The following LRRC8D variants were observed in gnomAD, a reference collection of about 807,000 sequenced individuals.
The protein encoded by LRRC8D is volume-regulated anion channel subunit LRRC8D.
Under a neutral mutation model 55.8 loss-of-function variants are expected in LRRC8D, and 20 were observed. That is an observed-to-expected ratio of 0.36 (90% CI 0.25 to 0.52). The LOEUF (loss-of-function observed/expected upper bound fraction) is 0.52. Among genes scored for constraint, LRRC8D ranks in the 20% least tolerant of loss-of-function variants. LRRC8D has a pLI of 0.93. For missense variants in LRRC8D, 651 were observed against 1,030.8 expected, an observed-to-expected ratio of 0.63 and a Z score of 5.05; for synonymous variants, 352 against 377.0, an observed-to-expected ratio of 0.93 and a Z score of 0.77.
intron 1 of LRRC8D, chr1:89,843,053 TG>T (rs1372674984): frequency 6.6e-6 from 1 of 152,260 alleles, no homozygotes; most frequent in Non-Finnish European, 1.5e-5. Flanking sequence ...CTTTCTCTTT[TG>T]AGCCAGCGAG....
chr1:89,846,516 G>A (rs558619299), intron 2 of LRRC8D: 1 of 152,248 alleles, frequency 6.6e-6, no homozygotes, highest in South Asian at 2.1e-4. Flanking sequence ...TTCTTTTGTA[G>A]TCTGGAAAGC....
At chr1:89,913,710 C>G (rs1338991985) in intron 2 of LRRC8D, among the ~76,000 whole-genome samples, 1 of 152,164 alleles carries the variant, frequency 6.6e-6, no homozygotes, top group African/African-American at 2.4e-5. Flanking sequence ...TCACCATCTT[C>G]GAAATATTTT....
At chr1:89,907,461 A>G (rs1187507582) in intron 2 of LRRC8D, among the ~76,000 whole-genome samples, 1 of 152,110 alleles carries the variant, frequency 6.6e-6, no homozygotes, top group East Asian at 1.9e-4. Context: ...AAGTGCTGGG[A>G]TTACAAGTGC....
At chr1:89,908,639 A>G (rs1025710486) in intron 2 of LRRC8D, among the ~76,000 whole-genome samples, 1 of 152,238 alleles carries the variant, frequency 6.6e-6, no homozygotes, top group Non-Finnish European at 1.5e-5. Context: ...TTGAAATGCT[A>G]GTCAGGTTTT....
intron 2 of LRRC8D, among the ~76,000 whole-genome samples, chr1:89,928,516 G>T (rs187689621): frequency 2.0e-5 from 3 of 152,188 alleles, no homozygotes; most frequent in Admixed American, 6.5e-5. Flanking sequence ...CTTCTGGTGG[G>T]GGGTGGCAGA....
intron 2 of LRRC8D, among the ~76,000 whole-genome samples, chr1:89,895,687 C>T (rs1001522955): frequency 1.3e-5 from 2 of 152,072 alleles, no homozygotes; most frequent in African/African-American, 2.4e-5. Context: ...GTTGATGAGA[C>T]GTTGAACTTC....
At chr1:89,824,198 C>T (rs974221924) in intron 1 of LRRC8D, among the ~76,000 whole-genome samples, 7 of 152,212 alleles carry the variant, frequency 4.6e-5, no homozygotes, top group African/African-American at 1.4e-4. Flanking sequence ...TCCAAAATGG[C>T]GATAGTGCCT....
chr1:89,886,001 C>T (rs1224903784), intron 2 of LRRC8D, among the ~76,000 whole-genome samples: 2 of 152,202 alleles, frequency 1.3e-5, no homozygotes, highest in Non-Finnish European at 2.9e-5. Context: ...TGCTTTACCT[C>T]ACTTACTTGC....
chr1:89,915,567 A>T (rs1476797702), intron 2 of LRRC8D, among the ~76,000 whole-genome samples: 1 of 152,200 alleles, frequency 6.6e-6, no homozygotes, highest in Admixed American at 6.5e-5. Flanking sequence ...ATGTGCCAGG[A>T]ATGGCTACTG....
In LRRC8D at chr1:89,871,845, G is replaced by A. The variant is rs143245641; in HGVS notation, c.-3+28063G>A. 1.6e-3 allele frequency among the ~76,000 whole-genome samples: 242 copies of A among 152,290 alleles called. 1 individual carries two copies. Among genetic ancestry groups the A allele is most frequent in the African/African-American group, 5.4e-3 (223 of 41,564 alleles). ...TGAAAAAGTCCATTGAAAATCTTATGAGGCCTTTTTTGTACTTTTGCCTGT... is the reference window on the plus strand; with the variant it reads ...TGAAAAAGTCCATTGAAAATCTTATAAGGCCTTTTTTGTACTTTTGCCTGT... On this transcript the variant is annotated intron_variant, in intron 2 of 2. Coordinates refer to ENST00000337338, the MANE Select transcript of LRRC8D (RefSeq NM_001134479.2).
chr1:89,907,807 C>G (rs1385251203), intron 2 of LRRC8D, among the ~76,000 whole-genome samples: 6 of 152,186 alleles, frequency 3.9e-5, no homozygotes. Context: ...ACCATCACCA[C>G]CAGCCCCCTT....
intron 2 of LRRC8D, among the ~76,000 whole-genome samples, chr1:89,883,469 G>C (rs1239932160): frequency 6.6e-6 from 1 of 152,152 alleles, no homozygotes; most frequent in African/African-American, 2.4e-5. Flanking sequence ...GCAGGATCAC[G>C]ACCAGATGGT....
Position 89,892,619 on chromosome 1 carries a change from C to T in LRRC8D, c.-2-40448C>T, listed in dbSNP as rs964788126. 3.9e-5 allele frequency among the ~76,000 whole-genome samples: 6 copies of T among 152,196 alleles called. No individual in the cohort carries two copies. In the South Asian group the frequency reaches 1.2e-3, roughly 32 times the overall value. On this transcript the variant is annotated intron_variant, in intron 2 of 2. Transcript: ENST00000337338. ...CTGCAAGCTCCGCCTCCTGGGTTCA[C>T]GCCATTTTCCTGCCTCAGCCTCCTG...
At chr1:89,871,765 C>T (rs932932367) in intron 2 of LRRC8D, among the ~76,000 whole-genome samples, 10 of 152,172 alleles carry the variant, frequency 6.6e-5, no homozygotes, top group Non-Finnish European at 7.3e-5. Flanking sequence ...CTGGTACCTA[C>T]GGTTTGGAAC....
intron 2 of LRRC8D, among the ~76,000 whole-genome samples, chr1:89,930,180 T>C (rs1418211043): frequency 6.6e-6 from 1 of 152,186 alleles, no homozygotes; most frequent in African/African-American, 2.4e-5. Context: ...CAGTGATTAG[T>C]GCTCTGTATC....
chr1:89,845,867 C>A (rs543368188), intron 2 of LRRC8D, among the ~76,000 whole-genome samples: 3 of 151,744 alleles, frequency 2.0e-5, no homozygotes, highest in Non-Finnish European at 2.9e-5. Flanking sequence ...CCACAACCTC[C>A]GTCTCCCGGG....
chr1:89,841,246 A>T (rs1184696532), intron 1 of LRRC8D, among the ~76,000 whole-genome samples: 1 of 152,180 alleles, frequency 6.6e-6, no homozygotes, highest in Non-Finnish European at 1.5e-5. Context: ...AATGCATCTC[A>T]CTGGTCCTTG....
chr1:89,895,306 T>A (rs1263118029), intron 2 of LRRC8D, among the ~76,000 whole-genome samples: 1 of 152,190 alleles, frequency 6.6e-6, no homozygotes, highest in Non-Finnish European at 1.5e-5. Context: ...GAGTTTTAAA[T>A]CCCTATGTAT....
In LRRC8D at chr1:89,836,503, A is replaced by G. The variant is rs566701836; in HGVS notation, c.-147-7135A>G. Among the ~76,000 whole-genome samples, 7 of 152,340 alleles carry G rather than the reference A, an allele frequency of 4.6e-5. No homozygotes were observed. The East Asian group carries it at 1.3e-3, about 29-fold the overall frequency. The stretch of plus-strand genomic sequence containing the variant: ...CACTGACATTTTCATCTGACCTCCT[A>G]AACTCAGCCTTTGAGCCCCTTCTTT... On this transcript the variant is annotated intron_variant, in intron 1 of 2. Transcript: ENST00000337338.
Sources: allele counts gnomAD v4.1 joint callset (sites outside exome capture counted in the v4.1 genomes callset), GRCh38; gene constraint gnomAD v4.1.1; transcripts MANE v1.5; gene names NCBI Gene and HGNC (gene_info 2026-07-23, HGNC 2026-07-21).